The following ARFGEF1 variants were observed in gnomAD, a reference collection of about 807,000 sequenced individuals.
The protein encoded by ARFGEF1 is brefeldin A-inhibited guanine nucleotide-exchange protein 1.
Under a neutral mutation model 231.0 loss-of-function variants are expected in ARFGEF1, and 42 were observed. The ratio of observed to expected loss-of-function variants is 0.18; its 90% confidence interval spans 0.14 to 0.24. The LOEUF is 0.24. Among genes scored for constraint, ARFGEF1 ranks in the 10% least tolerant of loss-of-function variants. The pLI is 1.00. For synonymous variants in ARFGEF1, 710 were observed against 732.3 expected, an observed-to-expected ratio of 0.97 and a Z score of 0.49; for missense variants, 1,345 against 2,192.0, an observed-to-expected ratio of 0.61 and a Z score of 7.72.
At chr8:67,288,976 C>A (rs1805881071) in intron 6 of ARFGEF1, among the ~76,000 whole-genome samples, 1 of 151,590 alleles carries the variant, frequency 6.6e-6, no homozygotes, top group Non-Finnish European at 1.5e-5. Flanking sequence ...AAAACAAAAT[C>A]ACCAACAACA....
chr8:67,288,539 C>G (rs1470250508), intron 6 of ARFGEF1, among the ~76,000 whole-genome samples: 1 of 152,076 alleles, frequency 6.6e-6, no homozygotes, highest in Non-Finnish European at 1.5e-5. Context: ...TGGAGACCAG[C>G]CTGGCCAACA....
intron 29 of ARFGEF1, among the ~76,000 whole-genome samples, chr8:67,220,813 C>T (rs1266480044): frequency 6.6e-6 from 1 of 152,024 alleles, no homozygotes; most frequent in Non-Finnish European, 1.5e-5. Flanking sequence ...ATGGGCAATC[C>T]TGTTTTTTCC....
In ARFGEF1 at chr8:67,226,172, C is replaced by G. The variant is rs1390858728; in HGVS notation, c.3928G>C (p.Glu1310Gln). Residue 1310 changes from glutamate (E) to glutamine (Q), a missense_variant, in exon 28 of 39, where the codon GAA (glutamate) becomes CAA (glutamine). Transcript: ENST00000262215. ...TCAATGGTCGCTGGAAAGTGTTTTT[C>G]AAATACAAGGGCTAAAATAGAGAAA... is the stretch of plus-strand genomic sequence containing the variant. ...TTGHIVTLVFEKHFPATIDSF... is the reference protein window; with the variant it reads ...TTGHIVTLVFQKHFPATIDSF... 1 of 1,604,210 alleles carries G rather than the reference C, an allele frequency of 6.2e-7. No individual in the cohort carries two copies. The highest frequency in any genetic ancestry group is 1.1e-5 in the South Asian group (1 of 88,874).
chr8:67,320,695 G>C (rs1396334129), intron 1 of ARFGEF1, among the ~76,000 whole-genome samples: 3 of 152,148 alleles, frequency 2.0e-5, no homozygotes, highest in Non-Finnish European at 2.9e-5. Flanking sequence ...GGTGGCTCAC[G>C]CCTATAATCC....
chr8:67,258,076 CTTAT>C lies in ARFGEF1; in HGVS notation c.2441+5_2441+8del. 6.2e-7 allele frequency: 1 copy of C among 1,604,478 alleles called. No individual in the cohort carries two copies. Among genetic ancestry groups the C allele is most frequent in the Non-Finnish European group, 8.5e-7 (1 of 1,171,484 alleles). On this transcript the variant is annotated splice_donor_5th_base_variant and intron_variant, in intron 16 of 38. Coordinates refer to ENST00000262215, the MANE Select transcript of ARFGEF1 (RefSeq NM_006421.5). ...ACAGACAATCAATGAGCATTTGAAC[CTTAT>C]TTACCCTTGGTTGCATTCTAGGTAT...
intron 5 of ARFGEF1, among the ~76,000 whole-genome samples, chr8:67,181,492 G>T (rs1324842425): frequency 1.3e-5 from 2 of 151,874 alleles, no homozygotes; most frequent in African/African-American, 4.8e-5. Context: ...GATGGTCTGG[G>T]CCACTCAAGA....
At chr8:67,236,362 AAAAAT>A (rs1189463896) in intron 22 of ARFGEF1, among the ~76,000 whole-genome samples, 21 of 41,748 alleles carry the variant, frequency 5.0e-4, no homozygotes, top group African/African-American at 9.7e-4. Flanking sequence ...AAAAAAAAAA[AAAAAT>A]ATATATATAT....
chr8:67,314,136 G>A (rs1391946996), intron 1 of ARFGEF1, among the ~76,000 whole-genome samples: 1 of 152,164 alleles, frequency 6.6e-6, no homozygotes, highest in African/African-American at 2.4e-5. Flanking sequence ...ACAGCCCCAA[G>A]TCTGTTTCCA....
rs751681115 is a variant in ARFGEF1 at position 67,228,084 on chromosome 8, G to C, written c.3470C>G (p.Ser1157Cys). The C allele has an allele frequency of 6.2e-7, 1 of 1,609,696 alleles. No homozygotes were observed. Among genetic ancestry groups the C allele is most frequent in the Non-Finnish European group, 8.5e-7 (1 of 1,178,630 alleles). The change falls in exon 25 of 39, where the codon TCC (serine) becomes TGC (cysteine). Residue 1157 changes from serine (S) to cysteine (C), a missense_variant. This residue lies in a region of ARFGEF1 where 146 missense variants were observed against 321.4 expected (regional missense o/e 0.45). Coordinates refer to ENST00000262215, the MANE Select transcript of ARFGEF1 (RefSeq NM_006421.5). ...ACTAAACATTCTTGGGTGTGTCGTG[G>C]AAAGTAATTCATCCATAGACACAGC... is the stretch of plus-strand genomic sequence containing the variant. ...LCAVSMDELL[S>C]TTHPRMFSLQ... is the part of the protein sequence containing the mutation.
At chr8:67,310,554 G>A (rs1414762974) in intron 1 of ARFGEF1, among the ~76,000 whole-genome samples, 5 of 152,000 alleles carry the variant, frequency 3.3e-5, no homozygotes, top group African/African-American at 7.3e-5. Context: ...CTGCCTGGCC[G>A]CCCATCGTCT....
chr8:67,195,204 C>G (rs1413066658), downstream of ARFGEF1, among the ~76,000 whole-genome samples: 1 of 152,180 alleles, frequency 6.6e-6, no homozygotes, highest in Non-Finnish European at 1.5e-5. Context: ...CCACTCTCCT[C>G]CCTCTAAAAT....
chr8:67,195,259 G>A (rs771254493), downstream of ARFGEF1: 2 of 744,488 alleles, frequency 2.7e-6, no homozygotes, highest in Non-Finnish European at 4.9e-6. Flanking sequence ...AAACAGTAGA[G>A]TTCAGGATAT....
At chr8:67,292,259 G>T in intron 5 of ARFGEF1, 136 bp from the exon 6 acceptor site, 1 of 733,370 alleles carries the variant, frequency 1.4e-6, no homozygotes, top group Non-Finnish European at 2.2e-6. Context: ...CAGAAATGGA[G>T]AACATAAACT....
rs1378785418 is a variant in ARFGEF1 at position 67,217,814 on chromosome 8, T to C, written c.4581A>G (p.Thr1527=). Residue 1527 remains threonine, a synonymous_variant, in exon 32 of 39, where the codon ACA becomes ACG. Transcript: ENST00000262215. ...GGATTGTGGTTTTGAAGATATCCAG[T>C]GTGCAGTTGCAAGTTTTATCCCAGA... ...LEIWDKTCNC[T]LDIFKTTIPH... is the part of the protein sequence containing the mutation. 1.9e-6 allele frequency: 3 copies of C among 1,614,026 alleles called. No individual in the cohort carries two copies. The highest frequency in any genetic ancestry group is 8.5e-7 in the Non-Finnish European group (1 of 1,179,930).
chr8:67,201,590 G>T lies in ARFGEF1; in HGVS notation c.5144C>A (p.Ser1715Tyr), dbSNP rs770563842. Residue 1715 changes from serine to tyrosine, a missense_variant, in exon 37 of 39, where the codon TCC becomes TAC. By Grantham distance (144) the Ser-to-Tyr change is moderately radical. This residue lies in a region of ARFGEF1 where 161 missense variants were observed against 284.9 expected (regional missense o/e 0.57). Coordinates refer to ENST00000262215, the MANE Select transcript of ARFGEF1 (RefSeq NM_006421.5). Reference sequence around the variant, plus strand: ...CTCCTGCTTCAGAAGGTTGGGCTTGGATTTGCCTTTGAATCCTGCAGAAAA... The same window carrying T: ...CTCCTGCTTCAGAAGGTTGGGCTTGTATTTGCCTTTGAATCCTGCAGAAAA... ...ALWKAGFKGK[S>Y]KPNLLKQETS... 6.2e-7 allele frequency: 1 copy of T among 1,613,432 alleles called. No individual in the cohort carries two copies. Among genetic ancestry groups the T allele is most frequent in the East Asian group, 2.2e-5 (1 of 44,812 alleles).
intron 5 of ARFGEF1, among the ~76,000 whole-genome samples, chr8:67,190,320 G>T (rs1835860289): frequency 6.6e-6 from 1 of 152,182 alleles, no homozygotes; most frequent in Non-Finnish European, 1.5e-5. Context: ...AAAGACAAAA[G>T]ATTAAGTTGT....
intron 7 of ARFGEF1, among the ~76,000 whole-genome samples, chr8:67,278,981 A>C (rs1805424637): frequency 6.6e-6 from 1 of 152,186 alleles, no homozygotes; most frequent in African/African-American, 2.4e-5. Flanking sequence ...GAAAATGCAT[A>C]GGCCAGGCAC....
chr8:67,215,502 C>A (rs982087153), intron 33 of ARFGEF1, among the ~76,000 whole-genome samples: 1 of 152,128 alleles, frequency 6.6e-6, no homozygotes, highest in Non-Finnish European at 1.5e-5. Context: ...ATGAGATCAT[C>A]CTGGATTTCA....
At chr8:67,209,396 T>C (rs1348782229) in intron 34 of ARFGEF1, among the ~76,000 whole-genome samples, 1 of 152,108 alleles carries the variant, frequency 6.6e-6, no homozygotes, top group Non-Finnish European at 1.5e-5. Flanking sequence ...ACACAGCTAA[T>C]TAGTGGCTGC....
Sources: gnomAD v4.1 joint callset for allele counts (sites outside exome capture counted in the v4.1 genomes callset) on GRCh38, gnomAD v4.1.1 for gene constraint, gnomAD v4.1.1 regional missense constraint, MANE v1.5 for transcripts, NCBI Gene and HGNC (gene_info 2026-07-23, HGNC 2026-07-21) for gene names.